POU6F2: variants seen among roughly 807,000 people sequenced by gnomAD.
The protein encoded by POU6F2 is POU class 6 homeobox 2, also known as POU domain, class 6, transcription factor 2.
Under a neutral mutation model 71.3 loss-of-function variants are expected in POU6F2, and 31 were observed. That is an observed-to-expected ratio of 0.43 (90% CI 0.33 to 0.59). POU6F2 has a LOEUF of 0.59. Ranked by LOEUF, POU6F2 falls within the 20% of genes least tolerant of loss-of-function variation. The probability of loss-of-function intolerance (pLI) is 0.04; values close to 1 mark genes in which losing one functional copy is unlikely to be tolerated. For missense variants in POU6F2, 783 were observed against 856.8 expected, an observed-to-expected ratio of 0.91 and a Z score of 1.07; for synonymous variants, 347 against 355.7, an observed-to-expected ratio of 0.98 and a Z score of 0.27.
intron 2 of POU6F2, among the ~76,000 whole-genome samples, chr7:39,118,883 G>A (rs1358002): frequency 0.033 from 4,962 of 152,204 alleles, 264 homozygotes; most frequent in African/African-American, 0.11. Context: ...ACAAAAGGGC[G>A]TATATCAGGA....
chr7:39,418,360 C>T (rs79229160), intron 6 of POU6F2, among the ~76,000 whole-genome samples: 2,956 of 152,220 alleles, frequency 0.019, 70 homozygotes, highest in East Asian at 0.063. Context: ...TTTGCACTAT[C>T]ATCTCTAATT....
rs143980464 is a variant in POU6F2, at chr7:39,454,767, A to G, written c.1489+3066A>G. On this transcript the variant is annotated intron_variant, in intron 8 of 9. Coordinates refer to ENST00000518318, the MANE Select transcript of POU6F2 (RefSeq NM_001370959.1). ...ATATATCTTATTACATCACAATATC[A>G]CCAAAACTTTGGTCAAAACCATGGC... Among the ~76,000 whole-genome samples the G allele has an allele frequency of 4.4e-5, 6 of 135,478 alleles. No homozygotes were observed. In the East Asian group the frequency reaches 1.3e-3, roughly 29 times the overall value. The allele number at this position is 135,478 out of a possible 152,430, so 88.9% of individuals were successfully genotyped here.
chr7:39,381,684 T>C (rs1427732911), intron 5 of POU6F2, among the ~76,000 whole-genome samples: 1 of 152,196 alleles, frequency 6.6e-6, no homozygotes, highest in Non-Finnish European at 1.5e-5. Context: ...AAAAGACTGA[T>C]TTGTACATAT....
At chr7:39,146,476 A>G (rs1792628922) in intron 2 of POU6F2, among the ~76,000 whole-genome samples, 1 of 152,228 alleles carries the variant, frequency 6.6e-6, no homozygotes, top group Admixed American at 6.5e-5. Flanking sequence ...TTGGTTTTAC[A>G]ATGAAAACAG....
At chr7:39,309,414 C>T (rs990319060) in intron 4 of POU6F2, among the ~76,000 whole-genome samples, 1 of 152,088 alleles carries the variant, frequency 6.6e-6, no homozygotes, top group East Asian at 1.9e-4. Context: ...AAGAAACTTC[C>T]TGGAAGAAAT....
intron 2 of POU6F2, among the ~76,000 whole-genome samples, chr7:39,096,468 C>T (rs998577899): frequency 6.6e-6 from 1 of 152,156 alleles, no homozygotes; most frequent in African/African-American, 2.4e-5. Flanking sequence ...TGTCAGTTTG[C>T]ATTTACTCTC....
intron 2 of POU6F2, among the ~76,000 whole-genome samples, chr7:39,175,828 C>T (rs1252900625): frequency 6.6e-6 from 1 of 152,026 alleles, no homozygotes; most frequent in Non-Finnish European, 1.5e-5. Context: ...TCAGAAGACC[C>T]CACTCCAGAA....
chr7:39,443,650 G>A (rs1352021477), intron 7 of POU6F2, among the ~76,000 whole-genome samples: 2 of 152,222 alleles, frequency 1.3e-5, no homozygotes, highest in African/African-American at 4.8e-5. Context: ...ACAAGTGTGA[G>A]TCCCAGATGT....
At chr7:39,399,017 C>A (rs368060951) in intron 5 of POU6F2, among the ~76,000 whole-genome samples, 3 of 152,202 alleles carry the variant, frequency 2.0e-5, no homozygotes, top group African/African-American at 7.2e-5. Context: ...AGTTCTTAAT[C>A]GTTTCACTGT....
intron 1 of POU6F2, among the ~76,000 whole-genome samples, chr7:38,995,560 C>T (rs1788712384): frequency 6.6e-6 from 1 of 151,886 alleles, no homozygotes; most frequent in South Asian, 2.1e-4. Flanking sequence ...GGAGAAATTC[C>T]CTCAGTCCTT....
chr7:39,068,099 T>C (rs1421282388), intron 1 of POU6F2, among the ~76,000 whole-genome samples: 2 of 152,154 alleles, frequency 1.3e-5, no homozygotes, highest in Non-Finnish European at 2.9e-5. Context: ...GATTGCCTGG[T>C]TTTTTGATAG....
chr7:39,239,928 A>G lies in POU6F2; in HGVS notation c.598+32308A>G, dbSNP rs566462846. On this transcript the variant is annotated intron_variant, in intron 4 of 9. Transcript: ENST00000518318. Reference sequence around the variant, plus strand: ...AAAGTCCTGAATTATCACTCAGGATAACTTCACAAATGGGACTATCTTATG... The same window carrying G: ...AAAGTCCTGAATTATCACTCAGGATGACTTCACAAATGGGACTATCTTATG... 2.6e-3 allele frequency among the ~76,000 whole-genome samples: 391 copies of G among 152,286 alleles called. 1 individual carries two copies. Among genetic ancestry groups the G allele is most frequent in the African/African-American group, 9.2e-3 (382 of 41,574 alleles).
intron 4 of POU6F2, among the ~76,000 whole-genome samples, chr7:39,310,812 C>A (rs73118070): frequency 0.14 from 20,638 of 152,174 alleles, 1,379 homozygotes; most frequent in East Asian, 0.15. Context: ...CTGGTGAAGT[C>A]CCCTGCCTTG....
intron 1 of POU6F2, among the ~76,000 whole-genome samples, chr7:39,071,257 A>G (rs1436611355): frequency 6.6e-6 from 1 of 152,068 alleles, no homozygotes; most frequent in Non-Finnish European, 1.5e-5. Context: ...GATCCCTCAC[A>G]CATGCAGTTC....
At chr7:39,338,257 A>T (rs2115605832) in intron 4 of POU6F2, among the ~76,000 whole-genome samples, 1 of 152,338 alleles carries the variant, frequency 6.6e-6, no homozygotes, top group Admixed American at 6.5e-5. Context: ...CAGGGCTCCC[A>T]CATCTTTGAT....
At chr7:39,066,416 T>A (rs1031040039) in intron 1 of POU6F2, among the ~76,000 whole-genome samples, 1 of 151,872 alleles carries the variant, frequency 6.6e-6, no homozygotes, top group Middle Eastern at 3.4e-3. Context: ...AAAGGGGACA[T>A]CTATTTTAAT....
At chr7:39,362,385 G>A (rs1241979439) in intron 5 of POU6F2, among the ~76,000 whole-genome samples, 6 of 151,996 alleles carry the variant, frequency 3.9e-5, no homozygotes, top group African/African-American at 1.2e-4. Flanking sequence ...CCCTTGTTAG[G>A]ACCCTCCCTT....
intron 2 of POU6F2, among the ~76,000 whole-genome samples, chr7:39,175,065 A>T (rs1793301898): frequency 6.6e-6 from 1 of 152,078 alleles, no homozygotes. Context: ...CTATCAGTGT[A>T]TGTGTATGTG....
chr7:39,317,611 CCTTT>C (rs1562788217), intron 4 of POU6F2, among the ~76,000 whole-genome samples: 1 of 152,074 alleles, frequency 6.6e-6, no homozygotes, highest in African/African-American at 2.4e-5. Context: ...TTTTTGGAGG[CCTTT>C]CTAATTATAT....
Sources: gnomAD v4.1 joint callset for allele counts (sites outside exome capture counted in the v4.1 genomes callset) on GRCh38, gnomAD v4.1.1 for gene constraint, MANE v1.5 for transcripts, NCBI Gene and HGNC (gene_info 2026-07-23, HGNC 2026-07-21) for gene names.